Variants in CPQ observed in about 807,000 individuals in gnomAD.
The protein encoded by CPQ is carboxypeptidase Q.
Under a neutral mutation model 45.7 loss-of-function variants are expected in CPQ, and 37 were observed. That is an observed-to-expected ratio of 0.81 (90% CI 0.62 to 1.07). The LOEUF (loss-of-function observed/expected upper bound fraction) is 1.07. Ranked by LOEUF, CPQ falls within the 50% of genes least tolerant of loss-of-function variation. The pLI is 0.00. For synonymous variants in CPQ, 186 were observed against 205.8 expected (o/e 0.90, Z 0.82); for missense variants, 537 against 572.9 (o/e 0.94, Z 0.64).
At chr8:97,138,019 T>C (rs1812094089) in intron 7 of CPQ, among the ~76,000 whole-genome samples, 1 of 152,228 alleles carries the variant, frequency 6.6e-6, no homozygotes. Flanking sequence ...TCCAGCTGTT[T>C]ACTCACCTTC....
intron 2 of CPQ, among the ~76,000 whole-genome samples, chr8:96,817,059 C>T (rs1048140175): frequency 1.3e-5 from 2 of 152,120 alleles, no homozygotes; most frequent in Non-Finnish European, 2.9e-5. Flanking sequence ...TCAGCCTGTC[C>T]ATTTGAAGCT....
chr8:96,875,705 G>T (rs1812136492), intron 3 of CPQ, among the ~76,000 whole-genome samples: 2 of 151,728 alleles, frequency 1.3e-5, no homozygotes. Context: ...TAGTTTTATG[G>T]TAAGTTTTTA....
chr8:96,841,597 A>G (rs1811610518), intron 3 of CPQ, among the ~76,000 whole-genome samples: 1 of 152,222 alleles, frequency 6.6e-6, no homozygotes, highest in Non-Finnish European at 1.5e-5. Context: ...TGAAAATTGC[A>G]TCACCACACT....
chr8:96,835,862 G>A (rs1352593661), intron 3 of CPQ, among the ~76,000 whole-genome samples: 1 of 152,164 alleles, frequency 6.6e-6, no homozygotes, highest in East Asian at 1.9e-4. Flanking sequence ...TATTGTTTGA[G>A]AGTAACATAG....
At position 97,136,626 on chromosome 8, in the gene CPQ, G is replaced by A. The variant is rs1812064365; in HGVS notation, c.1256-6394G>A. Among the ~76,000 whole-genome samples, 3 of 152,122 alleles carry A rather than the reference G, an allele frequency of 2.0e-5. No homozygotes were observed. In the South Asian group the frequency reaches 6.2e-4, roughly 31 times the overall value. On this transcript the variant is annotated intron_variant, in intron 7 of 7. Transcript: ENST00000220763. ...TCTCTCAGCTGTATCTCCCTCCTAG[G>A]TGCAATGGCTCCTTGGCTGACATGC... is the stretch of plus-strand genomic sequence containing the variant.
At chr8:96,773,322 C>A (rs977635817) in intron 1 of CPQ, among the ~76,000 whole-genome samples, 1 of 152,068 alleles carries the variant, frequency 6.6e-6, no homozygotes, top group Non-Finnish European at 1.5e-5. Flanking sequence ...AAAATATTAT[C>A]GCCATTAAGT....
At chr8:97,128,692 C>A (rs920720924) in intron 7 of CPQ, among the ~76,000 whole-genome samples, 1 of 152,012 alleles carries the variant, frequency 6.6e-6, no homozygotes, top group African/African-American at 2.4e-5. Context: ...CTCAAAAAAA[C>A]AAACAAACAA....
intron 7 of CPQ, among the ~76,000 whole-genome samples, chr8:97,068,430 G>C (rs144354980): frequency 1.3e-5 from 2 of 152,024 alleles, no homozygotes; most frequent in Admixed American, 6.6e-5. Flanking sequence ...TCAGGGGTTC[G>C]AGACCAGCCT....
At chr8:97,009,956 C>G (rs143301104) in intron 5 of CPQ, among the ~76,000 whole-genome samples, 23 of 152,264 alleles carry the variant, frequency 1.5e-4, no homozygotes, top group African/African-American at 5.5e-4. Flanking sequence ...TTTTTCCCCT[C>G]CCACGCTGAC....
chr8:96,928,551 C>T (rs1026466464), intron 4 of CPQ, among the ~76,000 whole-genome samples: 8 of 151,966 alleles, frequency 5.3e-5, no homozygotes, highest in African/African-American at 1.9e-4. Flanking sequence ...GCCTCTTAAT[C>T]AGGTTCTTCT....
chr8:96,668,602 C>T (rs958497842), intron 1 of CPQ, among the ~76,000 whole-genome samples: 5 of 152,106 alleles, frequency 3.3e-5, no homozygotes, highest in African/African-American at 7.2e-5. Context: ...TAAAAATTAA[C>T]GTGTTGGAGA....
chr8:96,928,017 G>A (rs1812915489), intron 4 of CPQ, among the ~76,000 whole-genome samples: 1 of 152,168 alleles, frequency 6.6e-6, no homozygotes, highest in African/African-American at 2.4e-5. Context: ...CAGCGTTAAA[G>A]CAGACACAAG....
intron 4 of CPQ, among the ~76,000 whole-genome samples, chr8:96,949,049 C>T (rs577068070): frequency 1.2e-4 from 18 of 152,162 alleles, no homozygotes; most frequent in Admixed American, 3.9e-4. Flanking sequence ...AAGTGAGTTT[C>T]CTGTGGAGTG....
chr8:97,122,981 T>TAA (rs1224428408), intron 7 of CPQ, among the ~76,000 whole-genome samples: 38 of 24,222 alleles, frequency 1.6e-3, no homozygotes, highest in South Asian at 6.5e-3. Flanking sequence ...TAAAATAAAA[T>TAA]TAAAATAAAA....
At chr8:96,722,042 C>T (rs1809770296) in intron 1 of CPQ, among the ~76,000 whole-genome samples, 1 of 152,116 alleles carries the variant, frequency 6.6e-6, no homozygotes, top group South Asian at 2.1e-4. Flanking sequence ...TCATTATTAA[C>T]AGTTCTTTTT....
intron 3 of CPQ, among the ~76,000 whole-genome samples, chr8:96,878,603 C>A (rs1012538754): frequency 1.3e-5 from 2 of 152,194 alleles, no homozygotes; most frequent in Non-Finnish European, 2.9e-5. Flanking sequence ...AACAATTCTA[C>A]ATTGCAGTTT....
chr8:96,784,824 A>G, intron 1 of CPQ, 40 bp from the exon 2 acceptor site: 1 of 1,436,792 alleles, frequency 7.0e-7, no homozygotes, highest in Non-Finnish European at 9.4e-7. Context: ...TAGCTGTGAG[A>G]TTCTTTTCCC....
intron 1 of CPQ, among the ~76,000 whole-genome samples, chr8:96,706,727 G>A (rs946085960): frequency 4.6e-5 from 7 of 152,130 alleles, no homozygotes; most frequent in African/African-American, 1.4e-4. Context: ...TATCAGTACT[G>A]TGAATAAAAT....
At chr8:96,796,200 A>C in intron 2 of CPQ, among the ~76,000 whole-genome samples, 1 of 152,120 alleles carries the variant, frequency 6.6e-6, no homozygotes, top group Non-Finnish European at 1.5e-5. Context: ...AATTTGATGA[A>C]CCAAAAGTGA....
Sources: allele counts gnomAD v4.1 joint callset (sites outside exome capture counted in the v4.1 genomes callset), GRCh38; gene constraint gnomAD v4.1.1; transcripts MANE v1.5; gene names NCBI Gene and HGNC (gene_info 2026-07-23, HGNC 2026-07-21).